DLC1: variants seen among roughly 807,000 people sequenced by gnomAD.
The protein encoded by DLC1 is rho GTPase-activating protein 7.
DLC1 carries 54 observed loss-of-function variants against 140.3 expected under a neutral mutation model. The ratio of observed to expected loss-of-function variants is 0.38; its 90% CI spans 0.31 to 0.48. DLC1 has a LOEUF of 0.48. DLC1 is among the 20% of genes least tolerant of loss of function. DLC1 has a pLI of 0.96. For missense variants in DLC1, 2,536 were observed against 1,907.0 expected (o/e 1.33, Z -6.14); for synonymous variants, 986 against 728.1 (o/e 1.35, Z -5.70).
At chr8:13,359,797 G>A (rs530436731) in intron 4 of DLC1, among the ~76,000 whole-genome samples, 1 of 152,318 alleles carries the variant, frequency 6.6e-6, no homozygotes, top group East Asian at 1.9e-4. Flanking sequence ...GTTGGGTGGT[G>A]TCATAAAGTT....
At chr8:13,199,177 C>CTTTTTTTTTTTT (rs71207132) in intron 5 of DLC1, among the ~76,000 whole-genome samples, 12 of 93,284 alleles carry the variant, frequency 1.3e-4, no homozygotes, top group Non-Finnish European at 1.4e-4. Flanking sequence ...TTCTCTTTTT[C>CTTTTTTTTTTTT]TTTTTTTTTT....
chr8:13,343,896 TC>T (rs1329013874), intron 4 of DLC1, among the ~76,000 whole-genome samples: 2 of 152,152 alleles, frequency 1.3e-5, no homozygotes, highest in African/African-American at 4.8e-5. Context: ...CATTTTTACA[TC>T]TTTAGGGACC....
chr8:13,338,754 G>A (rs1833910656), intron 4 of DLC1: 1 of 152,158 alleles, frequency 6.6e-6, no homozygotes, highest in Admixed American at 6.5e-5. Context: ...ATCACAGGAG[G>A]TGAGCTACCT....
At chr8:13,348,118 C>T (rs6530628) in intron 4 of DLC1, among the ~76,000 whole-genome samples, 1 of 151,736 alleles carries the variant, frequency 6.6e-6, no homozygotes, top group Admixed American at 6.6e-5. Context: ...AATAAACAAA[C>T]AAACTTCCTG....
chr8:13,307,099 A>T (rs1832470684), intron 4 of DLC1, among the ~76,000 whole-genome samples: 1 of 151,520 alleles, frequency 6.6e-6, no homozygotes, highest in African/African-American at 2.4e-5. Context: ...AAAAAAAAAA[A>T]AAAAAAAGGT....
chr8:13,110,157 C>T (rs964226526), intron 7 of DLC1, among the ~76,000 whole-genome samples: 7 of 151,210 alleles, frequency 4.6e-5, no homozygotes, highest in African/African-American at 1.7e-4. Flanking sequence ...TTCCACCTCA[C>T]TAAAACCTAT....
At chr8:13,092,882 G>T in intron 12 of DLC1, 57 bp from the exon 13 acceptor site, 1 of 1,545,704 alleles carries the variant, frequency 6.5e-7, no homozygotes, top group Non-Finnish European at 8.8e-7. Flanking sequence ...GACATTGCAA[G>T]GAAATGTCCC....
At chr8:13,580,189 C>T (rs984841274) in intron 1 of DLC1, among the ~76,000 whole-genome samples, 2 of 151,732 alleles carry the variant, frequency 1.3e-5, no homozygotes, top group African/African-American at 4.8e-5. Context: ...GTGGCGCAAT[C>T]TCGGCTCACT....
At chr8:13,270,509 G>A (rs537350767) in intron 5 of DLC1, among the ~76,000 whole-genome samples, 1 of 152,296 alleles carries the variant, frequency 6.6e-6, no homozygotes, top group Non-Finnish European at 1.5e-5. Flanking sequence ...TTTCAAAGCA[G>A]GTCCCAACGT....
rs188610338 is a variant in DLC1, at chr8:13,215,860, G to C, written c.1348+89409C>G. On this transcript the variant is annotated intron_variant, in intron 5 of 17. Coordinates refer to ENST00000276297, the MANE Select transcript of DLC1 (RefSeq NM_182643.3). Reference sequence around the variant, plus strand: ...GCGCAAGCCCGTGGAGTAATCTACTGATTTTTCTGTCTACCTCTACAAAAG... The same window carrying C: ...GCGCAAGCCCGTGGAGTAATCTACTCATTTTTCTGTCTACCTCTACAAAAG... Among the ~76,000 whole-genome samples, 520 of 152,242 alleles carry C rather than the reference G, an allele frequency of 3.4e-3. 4 individuals are homozygous for C. Among genetic ancestry groups the C allele is most frequent in the Middle Eastern group, 6.8e-3 (2 of 294 alleles).
intron 5 of DLC1, among the ~76,000 whole-genome samples, chr8:13,243,950 G>T (rs1829648934): frequency 6.6e-6 from 1 of 152,080 alleles, no homozygotes; most frequent in South Asian, 2.1e-4. Context: ...GAGGTCACAG[G>T]CACCTCATAC....
At chr8:13,595,870 T>C (rs183118176) in intron 1 of DLC1, among the ~76,000 whole-genome samples, 26 of 152,122 alleles carry the variant, frequency 1.7e-4, no homozygotes, top group Admixed American at 3.9e-4. Context: ...ATAAATCTTG[T>C]AGGCAGCCTA....
intron 4 of DLC1, among the ~76,000 whole-genome samples, chr8:13,389,942 A>C (rs1563306991): frequency 6.6e-6 from 1 of 152,190 alleles, no homozygotes; most frequent in Non-Finnish European, 1.5e-5. Flanking sequence ...ATTTCTACTT[A>C]AAATTAAAAC....
chr8:13,314,708 C>T (rs1161329916), intron 4 of DLC1, among the ~76,000 whole-genome samples: 2 of 152,128 alleles, frequency 1.3e-5, no homozygotes, highest in African/African-American at 2.4e-5. Flanking sequence ...AAAACATAAA[C>T]CATTAGATCA....
intron 5 of DLC1, among the ~76,000 whole-genome samples, chr8:13,212,640 G>A (rs149147755): frequency 1.3e-3 from 201 of 152,236 alleles, no homozygotes; most frequent in African/African-American, 4.5e-3. Context: ...TGAAATGGGT[G>A]ACAAATGATT....
intron 5 of DLC1, among the ~76,000 whole-genome samples, chr8:13,223,059 T>G (rs1428114425): frequency 6.6e-6 from 1 of 152,186 alleles, no homozygotes; most frequent in East Asian, 1.9e-4. Context: ...GGCCAGACCT[T>G]TTTTTGAAAT....
chr8:13,174,453 A>T (rs777332652), intron 5 of DLC1, among the ~76,000 whole-genome samples: 1 of 152,218 alleles, frequency 6.6e-6, no homozygotes, highest in Admixed American at 6.5e-5. Flanking sequence ...CACTTTCTGC[A>T]GTGGCTGAAC....
At chr8:13,447,623 A>T (rs1336647641) in intron 2 of DLC1, among the ~76,000 whole-genome samples, 2 of 152,202 alleles carry the variant, frequency 1.3e-5, no homozygotes, top group Admixed American at 6.5e-5. Context: ...TAGGTAATAA[A>T]CGTTATAATA....
intron 5 of DLC1, among the ~76,000 whole-genome samples, chr8:13,137,372 A>C (rs1373668135): frequency 1.3e-5 from 2 of 152,208 alleles, no homozygotes; most frequent in African/African-American, 4.8e-5. Context: ...ACTAAGAGGC[A>C]GGAATTACCT....
Sources: allele counts gnomAD v4.1 joint callset (sites outside exome capture counted in the v4.1 genomes callset), GRCh38; gene constraint gnomAD v4.1.1; transcripts MANE v1.5; gene names NCBI Gene and HGNC (gene_info 2026-07-23, HGNC 2026-07-21).